The following PARD3 variants were observed in gnomAD, a reference collection of about 807,000 sequenced individuals.
PARD3 encodes par-3 family cell polarity regulator, also known as partitioning defective 3 homolog.
In PARD3, 75 loss-of-function variants were observed where a neutral mutation model predicts 155.4. The observed-to-expected ratio is 0.48, with a 90% confidence interval of 0.40 to 0.58. The LOEUF (loss-of-function observed/expected upper bound fraction) is 0.58. Ranked by LOEUF, PARD3 falls within the 20% of genes least tolerant of loss-of-function variation. PARD3 has a pLI of 0.00. For missense variants in PARD3, 1,642 were observed against 1,721.7 expected (o/e 0.95, Z 0.82); for synonymous variants, 576 against 610.5 (o/e 0.94, Z 0.83).
intron 5 of PARD3, among the ~76,000 whole-genome samples, chr10:34,403,375 A>C (rs555036145): frequency 1.3e-5 from 2 of 152,338 alleles, no homozygotes; most frequent in South Asian, 4.1e-4. Flanking sequence ...TTATATTTTC[A>C]ATCATGTTAT....
intron 1 of PARD3, among the ~76,000 whole-genome samples, chr10:34,721,633 T>G (rs1043137661): frequency 2.0e-5 from 3 of 152,202 alleles, no homozygotes; most frequent in Non-Finnish European, 4.4e-5. Context: ...TCTTCCACAT[T>G]GCGAATCACA....
chr10:34,181,198 A>G (rs908600036), intron 22 of PARD3, among the ~76,000 whole-genome samples: 5 of 152,150 alleles, frequency 3.3e-5, no homozygotes, highest in African/African-American at 1.2e-4. Context: ...TCTGTAGTGG[A>G]TTTTCTTTTA....
intron 2 of PARD3, among the ~76,000 whole-genome samples, chr10:34,554,653 A>C (rs1352468278): frequency 6.6e-6 from 1 of 152,232 alleles, no homozygotes; most frequent in Non-Finnish European, 1.5e-5. Flanking sequence ...GAAACTTAAT[A>C]CTAGTTACAA....
At position 34,563,777 on chromosome 10, in the gene PARD3, C is replaced by A. The variant is rs754002286; in HGVS notation, c.223-46618G>T. On this transcript the variant is annotated intron_variant, in intron 2 of 24. Transcript: ENST00000374788. Reference sequence around the variant, plus strand: ...ATCTCTTGACCTCGTGATCCGCCCGCCTTGGCCTCCCAAAGTGTTGGGATT... The same window carrying A: ...ATCTCTTGACCTCGTGATCCGCCCGACTTGGCCTCCCAAAGTGTTGGGATT... Among the ~76,000 whole-genome samples the A allele has an allele frequency of 6.6e-5, 10 of 152,230 alleles. No individual in the cohort carries two copies. In the East Asian group the frequency reaches 1.7e-3, roughly 26 times the overall value.
At chr10:34,674,477 GATT>G (rs2093666448) in intron 2 of PARD3, among the ~76,000 whole-genome samples, 1 of 95,700 alleles carries the variant, frequency 1.0e-5, no homozygotes, top group Non-Finnish European at 2.0e-5. Context: ...GCACGCTCTT[GATT>G]TTTTTTTTTT....
intron 15 of PARD3, chr10:34,345,119 G>A (rs187459171): frequency 1.1e-5 from 11 of 984,740 alleles, no homozygotes; most frequent in Non-Finnish European, 1.3e-5. Context: ...TCCCCAGAGA[G>A]GGCTATTTTT....
At chr10:34,146,722 T>A (rs902615641) in intron 22 of PARD3, among the ~76,000 whole-genome samples, 6 of 152,164 alleles carry the variant, frequency 3.9e-5, no homozygotes, top group Non-Finnish European at 8.8e-5. Context: ...TGCTAAAGAG[T>A]GACCAGCTCC....
At position 34,421,329 on chromosome 10, in the gene PARD3, TATA is replaced by T. The variant is rs1272593175; in HGVS notation, c.715-19415_715-19413del. 2.7e-5 allele frequency among the ~76,000 whole-genome samples: 4 copies of T among 149,808 alleles called. No homozygotes were observed. In the East Asian group the frequency reaches 7.7e-4, roughly 29 times the overall value. The stretch of plus-strand genomic sequence containing the variant: ...ATAACTAGTTATTTAAGTAATAAAT[TATA>T]ATATTTAAAGTAAATATAAAATATA... On this transcript the variant is annotated intron_variant, in intron 5 of 24. Transcript: ENST00000374788.
intron 22 of PARD3, among the ~76,000 whole-genome samples, chr10:34,261,428 C>T (rs112648676): frequency 0.035 from 5,292 of 152,240 alleles, 289 homozygotes; most frequent in African/African-American, 0.12. Context: ...GTGGCTCATG[C>T]CTGTAATCCC....
Position 34,165,572 on chromosome 10 carries a change from CT to C in PARD3, c.3420-33990del, listed in dbSNP as rs1432283751. Among the ~76,000 whole-genome samples, 3 of 152,180 alleles carry C rather than the reference CT, an allele frequency of 2.0e-5. No individual in the cohort carries two copies. In the East Asian group the frequency reaches 5.8e-4, roughly 29 times the overall value. The stretch of plus-strand genomic sequence containing the variant: ...CTAATGCACAGAGCCAGTGCCACCC[CT>C]CTCTGCCTTCTCAACACCCAACAAT... On this transcript the variant is annotated intron_variant, in intron 22 of 24. Transcript: ENST00000374788.
chr10:34,813,863 A>G (rs749866784), intron 1 of PARD3, among the ~76,000 whole-genome samples: 3 of 152,232 alleles, frequency 2.0e-5, no homozygotes, highest in Non-Finnish European at 2.9e-5. Flanking sequence ...GGACTCTACT[A>G]CAAAGGAAAT....
At chr10:34,157,016 T>C (rs1949040782) in intron 22 of PARD3, among the ~76,000 whole-genome samples, 1 of 152,160 alleles carries the variant, frequency 6.6e-6, no homozygotes. Context: ...ATCATGAACA[T>C]GATTATTGTA....
chr10:34,149,199 G>T (rs1363983401), intron 22 of PARD3, among the ~76,000 whole-genome samples: 1 of 152,040 alleles, frequency 6.6e-6, no homozygotes, highest in Non-Finnish European at 1.5e-5. Context: ...TAAATAATAG[G>T]ATAAAAACAT....
chr10:34,581,955 C>T (rs1313306455), intron 2 of PARD3, among the ~76,000 whole-genome samples: 2 of 152,200 alleles, frequency 1.3e-5, no homozygotes, highest in African/African-American at 4.8e-5. Flanking sequence ...CTTCACAACA[C>T]AGCAAGCTGT....
intron 22 of PARD3, among the ~76,000 whole-genome samples, chr10:34,196,695 T>A (rs539611087): frequency 4.0e-5 from 6 of 148,310 alleles, no homozygotes; most frequent in African/African-American, 1.5e-4. Context: ...TGCCTCAGCC[T>A]CCCGAGTAGC....
Position 34,474,953 on chromosome 10 carries a change from T to G in PARD3, c.404-4690A>C, listed in dbSNP as rs76808893. Among the ~76,000 whole-genome samples, 205 of 152,240 alleles carry G rather than the reference T, an allele frequency of 1.3e-3. 7 individuals carry two copies. In the East Asian group the frequency reaches 0.037, roughly 28 times the overall value. On this transcript the variant is annotated intron_variant, in intron 3 of 24. Transcript: ENST00000374788. ...AAGAGACATCCAAATTTCAGAAATG[T>G]TAAGATAGGAAAAGGAAAAAAATCT...
intron 1 of PARD3, among the ~76,000 whole-genome samples, chr10:34,704,893 T>C (rs939479570): frequency 4.7e-4 from 71 of 152,184 alleles, no homozygotes; most frequent in African/African-American, 1.4e-3. Context: ...ATATAACAAA[T>C]AGAAAACATT....
chr10:34,622,934 G>A (rs1157754193), intron 2 of PARD3, among the ~76,000 whole-genome samples: 2 of 150,476 alleles, frequency 1.3e-5, no homozygotes, highest in Non-Finnish European at 2.9e-5. Flanking sequence ...GTCTTTTCAG[G>A]ACCTTTTTCC....
chr10:34,517,750 T>C (rs1436811509), intron 2 of PARD3, among the ~76,000 whole-genome samples: 2 of 151,770 alleles, frequency 1.3e-5, no homozygotes, highest in East Asian at 1.9e-4. Context: ...AGAGTGCAAA[T>C]ATGTTTGATA....
Sources: gnomAD v4.1 joint callset for allele counts (sites outside exome capture counted in the v4.1 genomes callset) on GRCh38, gnomAD v4.1.1 for gene constraint, MANE v1.5 for transcripts, NCBI Gene and HGNC (gene_info 2026-07-23, HGNC 2026-07-21) for gene names.